RNF41: variants seen among roughly 807,000 people sequenced by gnomAD.
RNF41 encodes E3 ubiquitin-protein ligase NRDP1.
A neutral mutation model predicts 33.0 loss-of-function variants in RNF41; 4 were observed. The observed-to-expected ratio is 0.12, with a 90% CI of 0.06 to 0.28. The LOEUF (loss-of-function observed/expected upper bound fraction) is 0.28, where lower values mean the gene tolerates loss of function less well. RNF41 is among the 10% of genes least tolerant of loss of function. The pLI, the probability that RNF41 is intolerant of heterozygous loss-of-function variation, is 1.00. For synonymous variants in RNF41, 164 were observed against 153.2 expected, an observed-to-expected ratio of 1.07 and a Z score of -0.52; for missense variants, 228 against 432.6, an observed-to-expected ratio of 0.53 and a Z score of 4.19.
rs1044647078 is a variant in RNF41, at chr12:56,203,111, A to C, written c.*3336T>G. 4 of 147,390 alleles carry C rather than the reference A, an allele frequency of 2.7e-5. No individual in the cohort carries two copies. The highest frequency in any genetic ancestry group is 7.5e-5 in the African/African-American group (3 of 40,050). 9.1% of individuals were successfully genotyped at this position (147,390 alleles called of 1,614,324 possible). ...GAGTATCAAGAGTACTATTAGGTTT[A>C]CATCAGGTGCATGATAAATGCTCAA... On this transcript the variant is annotated 3_prime_UTR_variant, in exon 7 of 7. Coordinates refer to ENST00000345093, the MANE Select transcript of RNF41 (RefSeq NM_005785.4).
intron 3 of RNF41, among the ~76,000 whole-genome samples, chr12:56,212,049 C>G (rs1397643094): frequency 6.6e-6 from 1 of 152,062 alleles, no homozygotes; most frequent in Non-Finnish European, 1.5e-5. Flanking sequence ...TTTGGGAGGC[C>G]AAGGCAGGCA....
rs1878635509 is a variant in RNF41 at position 56,202,535 on chromosome 12, A to G, written c.*3912T>C. ...CAAGTGGGCATAACTGTATTCCAAT[A>G]AAGTTTTTTACAAAAGCAGGCAGTG... On this transcript the variant is annotated 3_prime_UTR_variant, in exon 7 of 7. Coordinates refer to ENST00000345093, the MANE Select transcript of RNF41 (RefSeq NM_005785.4). The G allele has an allele frequency of 6.6e-6, 1 of 152,208 alleles. No individual in the cohort carries two copies. Among genetic ancestry groups the G allele is most frequent in the Non-Finnish European group, 1.5e-5 (1 of 68,024 alleles). 9.4% of individuals were successfully genotyped at this position (152,208 alleles called of 1,614,324 possible).
intron 6 of RNF41, chr12:56,207,068 A>G (rs1438748394): frequency 5.2e-6 from 7 of 1,344,914 alleles, no homozygotes; most frequent in Non-Finnish European, 6.8e-6. Flanking sequence ...TATAGCGCCT[A>G]ACACAGTTAG....
At chr12:56,219,639 A>G (rs1869186353) in intron 1 of RNF41, among the ~76,000 whole-genome samples, 1 of 56,854 alleles carries the variant, frequency 1.8e-5, no homozygotes, top group African/African-American at 4.4e-5. Context: ...TATAAGGTGT[A>G]TATATGTGTG....
chr12:56,206,387 G>C lies in RNF41; in HGVS notation c.*60C>G. 7.1e-7 allele frequency: 1 copy of C among 1,413,856 alleles called. No homozygotes were observed. The highest frequency in any genetic ancestry group is 9.8e-7 in the Non-Finnish European group (1 of 1,023,094). The allele number at this position is 1,413,856 out of a possible 1,614,324, so 87.6% of individuals were successfully genotyped here. A position where few individuals can be genotyped will look rare whatever the true frequency, so the allele number is the denominator to read the frequency against. ...AATGGTGGGTAGGACTCAGGTCCCAGCTGCTGGAGTGATGGGATTTTCTGA... is the reference window on the plus strand; with the variant it reads ...AATGGTGGGTAGGACTCAGGTCCCACCTGCTGGAGTGATGGGATTTTCTGA... On this transcript the variant is annotated 3_prime_UTR_variant, in exon 7 of 7. Transcript: ENST00000345093. The surrounding 1 kb of genome is among the most constrained non-coding windows in gnomAD (Gnocchi z 5.7).
intron 4 of RNF41, among the ~76,000 whole-genome samples, chr12:56,209,080 GTC>G (rs2135802658): frequency 6.6e-6 from 1 of 151,154 alleles, no homozygotes; most frequent in African/African-American, 2.4e-5. Flanking sequence ...GGCCACGCTG[GTC>G]TTGAACTCCT....
At chr12:56,208,804 G>A (rs1868329031) in intron 4 of RNF41, among the ~76,000 whole-genome samples, 1 of 151,014 alleles carries the variant, frequency 6.6e-6, no homozygotes, top group Non-Finnish European at 1.5e-5. Flanking sequence ...GGCCTCACGT[G>A]ATCTGCCCCC....
intron 1 of RNF41, among the ~76,000 whole-genome samples, chr12:56,219,179 T>TTTTA (rs1213124624): frequency 2.0e-5 from 3 of 148,470 alleles, no homozygotes; most frequent in Non-Finnish European, 4.5e-5. Context: ...CTAATTTTTA[T>TTTTA]TTTATTTATT....
chr12:56,221,910 C>A lies in RNF41; in HGVS notation c.-359G>T, dbSNP rs1448266896. The A allele has an allele frequency of 6.6e-6, 1 of 152,546 alleles. No individual in the cohort carries two copies. The highest frequency in any genetic ancestry group is 1.5e-5 in the Non-Finnish European group (1 of 68,264). 9.4% of individuals were successfully genotyped at this position (152,546 alleles called of 1,614,324 possible). A position where few individuals can be genotyped will look rare whatever the true frequency, so the allele number is the denominator to read the frequency against. The stretch of plus-strand genomic sequence containing the variant: ...GGGAAAGAAGACTCCTACCACTCGT[C>A]GCCGCCTCAGACGGATCCTTTGCCC... On this transcript the variant is annotated 5_prime_UTR_variant, in exon 1 of 7. Transcript: ENST00000345093.
At chr12:56,210,173 G>A (rs1023051793) in intron 4 of RNF41, 124 bp downstream of exon 4, 69 of 982,416 alleles carry the variant, frequency 7.0e-5, no homozygotes, top group Non-Finnish European at 6.9e-5. Context: ...AAGCCAAGGA[G>A]GCTAAGAATA....
rs1055659762 is a variant in RNF41, at chr12:56,213,870, TCAC to T, written c.90+85_90+87del. 1.5e-5 allele frequency: 13 copies of T among 869,548 alleles called. No individual in the cohort carries two copies. In the African/African-American group the frequency reaches 2.1e-4, roughly 14 times the overall value. The allele number at this position is 869,548 out of a possible 1,614,324, so 53.9% of individuals were successfully genotyped here. On this transcript the variant is annotated intron_variant, in intron 3 of 6. Coordinates refer to ENST00000345093, the MANE Select transcript of RNF41 (RefSeq NM_005785.4). Reference sequence around the variant, plus strand: ...GGGTGGAGAGAAGAACACAGTGACTTCACCATGGGTCCCGCTGCCCATGAATAT... The same window carrying T: ...GGGTGGAGAGAAGAACACAGTGACTTCATGGGTCCCGCTGCCCATGAATAT...
chr12:56,206,924 T>A lies in RNF41; in HGVS notation c.603-126A>T. 1.1e-6 allele frequency: 1 copy of A among 938,018 alleles called. No homozygotes were observed. The highest frequency in any genetic ancestry group is 1.8e-5 in the South Asian group (1 of 56,404). 58.1% of individuals were successfully genotyped at this position (938,018 alleles called of 1,614,324 possible). On this transcript the variant is annotated intron_variant, in intron 6 of 6. Transcript: ENST00000345093. This position sits in a 1 kb window ranked among gnomAD's most constrained non-coding sequence, Gnocchi z 5.7. ...ACCTATTCTTCCTTCTTTCCTTCCA[T>A]CATTGGCTCAGAAACCCCAAATCTT...
At position 56,217,556 on chromosome 12, in the gene RNF41, AG is replaced by A. The variant is rs1869000043; in HGVS notation, c.-208-944del. ...GAGCAAGACTCTGACTCAAAAAAAA[AG>A]CAAAATGCATAGATCCATAATACAT... On this transcript the variant is annotated intron_variant, in intron 1 of 6. Coordinates refer to ENST00000345093, the MANE Select transcript of RNF41 (RefSeq NM_005785.4). Among the ~76,000 whole-genome samples, 2 of 152,124 alleles carry A rather than the reference AG, an allele frequency of 1.3e-5. 1 individual carries two copies. Among genetic ancestry groups the A allele is most frequent in the Non-Finnish European group, 2.9e-5 (2 of 68,018 alleles).
Position 56,207,660 on chromosome 12 carries a change from G to A in RNF41, c.588C>T (p.Tyr196=), listed in dbSNP as rs1283174449. 3 of 1,612,490 alleles carry A rather than the reference G, an allele frequency of 1.9e-6. No homozygotes were observed. Among genetic ancestry groups the A allele is most frequent in the Non-Finnish European group, 2.5e-6 (3 of 1,178,640 alleles). ...GTGACACTCACTCTAGGATCTCGTTGTATTCAATTGTCTCCTCCAGGTTCT... is the reference window on the plus strand; with the variant it reads ...GTGACACTCACTCTAGGATCTCGTTATATTCAATTGTCTCCTCCAGGTTCT... ...NLQNLEETIE[Y]NEILEWVNSL... The change falls in exon 6 of 7, where the codon TAC becomes TAT. Residue 196 remains tyrosine, a synonymous_variant. Coordinates refer to ENST00000345093, the MANE Select transcript of RNF41 (RefSeq NM_005785.4).
chr12:56,221,013 C>G (rs890242204), intron 1 of RNF41, among the ~76,000 whole-genome samples: 2 of 152,176 alleles, frequency 1.3e-5, no homozygotes, highest in South Asian at 4.1e-4. Flanking sequence ...TCCCCAAGAA[C>G]AGTGGCCTCA....
At chr12:56,221,069 G>T (rs573369389) in intron 1 of RNF41, among the ~76,000 whole-genome samples, 1 of 152,216 alleles carries the variant, frequency 6.6e-6, no homozygotes, top group African/African-American at 2.4e-5. Flanking sequence ...TTCTGAACGG[G>T]GAAGCAGTCT....
rs199498789 is a variant in RNF41, at chr12:56,219,198, TA to T, written c.-209+2561del. The stretch of plus-strand genomic sequence containing the variant: ...TTTTTATTTTATTTATTTATTTATT[TA>T]TTTTTTTTTTGAGACGGAGTCTGGC... On this transcript the variant is annotated intron_variant, in intron 1 of 6. Coordinates refer to ENST00000345093, the MANE Select transcript of RNF41 (RefSeq NM_005785.4). 6.0e-3 allele frequency among the ~76,000 whole-genome samples: 881 copies of T among 146,356 alleles called. 8 individuals carry two copies. Among genetic ancestry groups the T allele is most frequent in the Non-Finnish European group, 8.6e-3 (569 of 66,152 alleles).
intron 3 of RNF41, among the ~76,000 whole-genome samples, chr12:56,212,810 G>C (rs1190016381): frequency 1.3e-5 from 2 of 152,206 alleles, no homozygotes; most frequent in African/African-American, 4.8e-5. Context: ...TAGGTGAGCA[G>C]TGAATGGGGG....
At position 56,207,850 on chromosome 12, in the gene RNF41, A is replaced by C. The variant is rs60378437; in HGVS notation, c.499-101T>G. ...AGGGCAACTGAGAGATCTGAAGAAC[A>C]ACCAGTTTGTAAGCTTCAGGAAGAC... On this transcript the variant is annotated intron_variant, in intron 5 of 6. Coordinates refer to ENST00000345093, the MANE Select transcript of RNF41 (RefSeq NM_005785.4). 2,874 of 956,730 alleles carry C rather than the reference A, an allele frequency of 3.0e-3. 56 individuals are homozygous for C. In the African/African-American group the frequency reaches 0.037, roughly 12 times the overall value. The allele number at this position is 956,730 out of a possible 1,614,324, so 59.3% of individuals were successfully genotyped here. A position where few individuals can be genotyped will look rare whatever the true frequency, so the allele number is the denominator to read the frequency against.
Sources: gnomAD v4.1 joint callset for allele counts (sites outside exome capture counted in the v4.1 genomes callset) on GRCh38, gnomAD v4.1.1 for gene constraint, Gnocchi (gnomAD v3.1) non-coding constraint, MANE v1.5 for transcripts, NCBI Gene and HGNC (gene_info 2026-07-23, HGNC 2026-07-21) for gene names.